Variants in TMEM123 observed in about 807,000 individuals in gnomAD.
TMEM123 encodes the protein porimin.
TMEM123 carries 16 observed loss-of-function variants against 19.7 expected under a neutral mutation model. The observed-to-expected ratio is 0.81, with a 90% confidence interval of 0.55 to 1.23. TMEM123 has a LOEUF of 1.23. Among genes scored for constraint, TMEM123 ranks in the 50% most tolerant of loss-of-function variants. The pLI is 0.00. For missense variants in TMEM123, 313 were observed against 257.8 expected (o/e 1.21, Z -1.47); for synonymous variants, 118 against 99.4 (o/e 1.19, Z -1.12).
rs185711912 is a variant in TMEM123 at position 102,436,423 on chromosome 11, A to G, written c.157+12389T>C. On this transcript the variant is annotated intron_variant, in intron 2 of 4. Transcript: ENST00000398136. ...AGTGATCCGCCCGCCTCAGCCTCCC[A>G]AAGTGCTGGGATTACAGGCGTGAGC... Among the ~76,000 whole-genome samples, 409 of 152,074 alleles carry G rather than the reference A, an allele frequency of 2.7e-3. 6 individuals are homozygous for G. The highest frequency in any genetic ancestry group is 9.4e-3 in the African/African-American group (390 of 41,546).
chr11:102,438,670 T>C (rs553988215), intron 2 of TMEM123, among the ~76,000 whole-genome samples: 5 of 152,344 alleles, frequency 3.3e-5, no homozygotes, highest in African/African-American at 9.6e-5. Context: ...GCTTCCAGTG[T>C]GAGCAATGCA....
chr11:102,444,744 C>G (rs951525654), intron 2 of TMEM123, among the ~76,000 whole-genome samples: 1 of 151,912 alleles, frequency 6.6e-6, no homozygotes, highest in African/African-American at 2.4e-5. Flanking sequence ...GCACTATTCA[C>G]AATAGCAAAG....
chr11:102,423,395 C>T (rs866553527), intron 2 of TMEM123, among the ~76,000 whole-genome samples: 17 of 152,302 alleles, frequency 1.1e-4, no homozygotes, highest in African/African-American at 2.9e-4. Context: ...TCCCAGCTCC[C>T]TTTAAAGTCC....
intron 2 of TMEM123, among the ~76,000 whole-genome samples, chr11:102,422,420 G>A (rs1952095159): frequency 6.6e-6 from 1 of 152,150 alleles, no homozygotes. Flanking sequence ...GTTGCAGTGA[G>A]CCGAGATTGT....
intron 2 of TMEM123, among the ~76,000 whole-genome samples, chr11:102,420,496 C>A (rs1952077078): frequency 6.6e-6 from 1 of 152,176 alleles, no homozygotes; most frequent in Admixed American, 6.5e-5. Context: ...ATTTTCATAA[C>A]CCTAGGAGGC....
chr11:102,424,196 C>G (rs1339405436), intron 2 of TMEM123, among the ~76,000 whole-genome samples: 1 of 152,172 alleles, frequency 6.6e-6, no homozygotes, highest in Non-Finnish European at 1.5e-5. Flanking sequence ...TGAAGCCACT[C>G]AAGTGTAGGA....
At chr11:102,446,455 A>G (rs900862440) in intron 2 of TMEM123, among the ~76,000 whole-genome samples, 10 of 152,216 alleles carry the variant, frequency 6.6e-5, no homozygotes, top group African/African-American at 2.2e-4. Context: ...AAGTACCTAT[A>G]TTACTGTATA....
chr11:102,419,571 C>A (rs1952069593), intron 2 of TMEM123, among the ~76,000 whole-genome samples: 1 of 152,186 alleles, frequency 6.6e-6, no homozygotes, highest in Non-Finnish European at 1.5e-5. Context: ...TTTTTAAAAG[C>A]ATTTTTTAAA....
intron 2 of TMEM123, among the ~76,000 whole-genome samples, chr11:102,404,480 C>T (rs1332811219): frequency 6.6e-6 from 1 of 152,024 alleles, no homozygotes; most frequent in Non-Finnish European, 1.5e-5. Flanking sequence ...GACAGCGCTT[C>T]ACCATGTTGG....
intron 2 of TMEM123, among the ~76,000 whole-genome samples, chr11:102,428,604 GC>G (rs1291667685): frequency 6.7e-6 from 1 of 149,490 alleles, no homozygotes; most frequent in African/African-American, 2.5e-5. Flanking sequence ...AGTGTGCCCG[GC>G]CCCCCCAAAA....
intron 2 of TMEM123, among the ~76,000 whole-genome samples, chr11:102,414,354 C>A (rs1409827716): frequency 6.6e-6 from 1 of 152,144 alleles, no homozygotes; most frequent in African/African-American, 2.4e-5. Flanking sequence ...TCAGAAAACT[C>A]CTGCAAGATA....
At chr11:102,439,776 ACCCATC>A (rs1265410378) in intron 2 of TMEM123, among the ~76,000 whole-genome samples, 3 of 152,218 alleles carry the variant, frequency 2.0e-5, no homozygotes, top group Non-Finnish European at 4.4e-5. Flanking sequence ...GGATGTTCAA[ACCCATC>A]GCAAAGAAGC....
chr11:102,435,736 G>A lies in TMEM123; in HGVS notation c.157+13076C>T, dbSNP rs566144653. Among the ~76,000 whole-genome samples the A allele has an allele frequency of 3.3e-4, 50 of 152,026 alleles. 2 individuals carry two copies. The South Asian group carries it at 0.01, about 31-fold the overall frequency. ...GTGACATACCCATAGCGTGAATTGTGTGGCCATAAAAGAGAATGAAGTATG... is the reference window on the plus strand; with the variant it reads ...GTGACATACCCATAGCGTGAATTGTATGGCCATAAAAGAGAATGAAGTATG... On this transcript the variant is annotated intron_variant, in intron 2 of 4. Coordinates refer to ENST00000398136, the MANE Select transcript of TMEM123 (RefSeq NM_052932.3).
At chr11:102,415,087 C>T (rs1952033924) in intron 2 of TMEM123, among the ~76,000 whole-genome samples, 1 of 152,128 alleles carries the variant, frequency 6.6e-6, no homozygotes, top group African/African-American at 2.4e-5. Context: ...TCAAAAAGGA[C>T]CAAGAAGGGC....
At position 102,434,696 on chromosome 11, in the gene TMEM123, A is replaced by G. The variant is rs1403606103; in HGVS notation, c.157+14116T>C. ...GTAGTTTTTCCTATTTTTTTCTAGT[A>G]GTTTTACAACTTCAGGATTCATGTT... On this transcript the variant is annotated intron_variant, in intron 2 of 4. Transcript: ENST00000398136. 3.3e-5 allele frequency among the ~76,000 whole-genome samples: 5 copies of G among 151,770 alleles called. 1 individual carries two copies. Among genetic ancestry groups the G allele is most frequent in the Non-Finnish European group, 5.9e-5 (4 of 67,860 alleles).
intron 2 of TMEM123, among the ~76,000 whole-genome samples, chr11:102,433,582 C>A (rs1453088893): frequency 6.6e-6 from 1 of 151,740 alleles, no homozygotes; most frequent in Non-Finnish European, 1.5e-5. Flanking sequence ...TGGGTTAATG[C>A]TGGAATGAGT....
Position 102,413,775 on chromosome 11 carries a change from G to GC in TMEM123, c.158-11570dup, listed in dbSNP as rs1952023329. Among the ~76,000 whole-genome samples, 4 of 152,288 alleles carry GC rather than the reference G, an allele frequency of 2.6e-5. No homozygotes were observed. In the South Asian group the frequency reaches 8.3e-4, roughly 32 times the overall value. ...CCCACACAGCTGAGAAAGAACCAGC[G>GC]CAAGAACTCTGGCAACTCAAAAAGC... On this transcript the variant is annotated intron_variant, in intron 2 of 4. Transcript: ENST00000398136.
intron 2 of TMEM123, among the ~76,000 whole-genome samples, chr11:102,414,700 G>C (rs1952030512): frequency 6.6e-6 from 1 of 152,096 alleles, no homozygotes; most frequent in South Asian, 2.1e-4. Flanking sequence ...TTAAGAGAGG[G>C]ATAAACATGG....
At chr11:102,441,871 C>G (rs1388130937) in intron 2 of TMEM123, among the ~76,000 whole-genome samples, 1 of 152,106 alleles carries the variant, frequency 6.6e-6, no homozygotes, top group Non-Finnish European at 1.5e-5. Context: ...AAGGGGATAT[C>G]ACCACTGATC....
Sources: allele counts gnomAD v4.1 joint callset (sites outside exome capture counted in the v4.1 genomes callset), GRCh38; gene constraint gnomAD v4.1.1; transcripts MANE v1.5; gene names NCBI Gene and HGNC (gene_info 2026-07-23, HGNC 2026-07-21).